The following STXBP4 variants were observed in gnomAD, a reference collection of about 807,000 sequenced individuals.
STXBP4 encodes syntaxin-binding protein 4.
STXBP4 carries 55 observed loss-of-function variants against 76.1 expected under a neutral mutation model. The ratio of observed to expected loss-of-function variants is 0.72; its 90% CI spans 0.58 to 0.91. The LOEUF (loss-of-function observed/expected upper bound fraction) is 0.91. STXBP4 is among the 40% of genes least tolerant of loss of function. The probability of loss-of-function intolerance (pLI) is 0.00; values close to 1 mark genes in which losing one functional copy is unlikely to be tolerated. For synonymous variants in STXBP4, 201 were observed against 220.2 expected (o/e 0.91, Z 0.77); for missense variants, 618 against 636.9 (o/e 0.97, Z 0.32).
chr17:54,998,690 T>C (rs565159040), intron 4 of STXBP4, among the ~76,000 whole-genome samples: 1 of 152,270 alleles, frequency 6.6e-6, no homozygotes, highest in African/African-American at 2.4e-5. Flanking sequence ...AGGATCAATA[T>C]AATTAAAATC....
rs1206724927 is a variant in STXBP4 at position 55,162,394 on chromosome 17, A to C, written c.*2483A>C. ...TTGGATTTTAGGGTTAGAAAATCTG[A>C]ATGTTCTTATGTCCTTCCGTCTCAC... On this transcript the variant is annotated 3_prime_UTR_variant, in exon 18 of 18. Transcript: ENST00000376352. The C allele has an allele frequency of 2.6e-5, 4 of 152,178 alleles. No homozygotes were observed. The allele number at this position is 152,178 out of a possible 1,614,324, so 9.4% of individuals were successfully genotyped here.
the STXBP4 span, among the ~76,000 whole-genome samples, chr17:55,212,926 G>A: frequency 1.3e-5 from 2 of 152,068 alleles, no homozygotes; most frequent in East Asian, 1.9e-4. Context: ...ACCAACACAC[G>A]GAGGACACGC....
chr17:55,078,591 G>A (rs575530085), intron 14 of STXBP4, 95 bp from the exon 15 acceptor site: 25 of 770,006 alleles, frequency 3.2e-5, no homozygotes, highest in Middle Eastern at 3.8e-4. Context: ...AGTTTAATCC[G>A]TGGACAGAGG....
chr17:55,042,339 A>G (rs1448865487), intron 10 of STXBP4, among the ~76,000 whole-genome samples: 1 of 152,168 alleles, frequency 6.6e-6, no homozygotes, highest in East Asian at 1.9e-4. Context: ...GGTGATTGAT[A>G]TTGAATATAT....
At chr17:55,072,755 T>A (rs573131938) in intron 12 of STXBP4, 145 bp from the exon 13 acceptor site, 1 of 565,354 alleles carries the variant, frequency 1.8e-6, no homozygotes, top group Admixed American at 4.0e-5. Context: ...ATAACATAAC[T>A]ATTAATTTTC....
At chr17:54,978,126 A>G (rs954748949) in intron 1 of STXBP4, among the ~76,000 whole-genome samples, 2 of 152,216 alleles carry the variant, frequency 1.3e-5, no homozygotes, top group East Asian at 3.8e-4. Flanking sequence ...CGTTCCCTCA[A>G]AAAACATTGG....
chr17:55,185,251 C>CTTCTTCTTCTTCTTCTTCTTCTT, the STXBP4 span, among the ~76,000 whole-genome samples: 1 of 49,380 alleles, frequency 2.0e-5, no homozygotes, highest in African/African-American at 7.9e-5. Flanking sequence ...TTCTTCTTCT[C>CTTCTTCTTCTTCTTCTTCTTCTT]CTTCTCCTTC....
chr17:55,115,774 A>C (rs572549107), intron 16 of STXBP4, among the ~76,000 whole-genome samples: 1 of 151,884 alleles, frequency 6.6e-6, no homozygotes, highest in Non-Finnish European at 1.5e-5. Context: ...AGGCAAATGC[A>C]AAGGAATGCA....
chr17:55,182,387 C>T, the STXBP4 span, among the ~76,000 whole-genome samples: 2,107 of 152,092 alleles, frequency 0.014, 43 homozygotes, highest in African/African-American at 0.048. Flanking sequence ...TGGAAGAAAA[C>T]ATCCAGAATT....
intron 17 of STXBP4, among the ~76,000 whole-genome samples, chr17:55,144,311 T>A (rs2080127457): frequency 6.6e-6 from 1 of 152,088 alleles, no homozygotes; most frequent in Non-Finnish European, 1.5e-5. Context: ...ATAAGTTAGT[T>A]TTTTTTTGTT....
At chr17:55,119,634 T>A (rs1475514635) in intron 16 of STXBP4, among the ~76,000 whole-genome samples, 1 of 152,006 alleles carries the variant, frequency 6.6e-6, no homozygotes, top group African/African-American at 2.4e-5. Context: ...GGAAAATGAA[T>A]ATATATTTAT....
rs2080327300 is a variant in STXBP4 at position 55,160,483 on chromosome 17, C to A, written c.*572C>A. The A allele has an allele frequency of 6.6e-6, 1 of 152,608 alleles. No individual in the cohort carries two copies. The highest frequency in any genetic ancestry group is 2.4e-5 in the African/African-American group (1 of 41,434). 9.5% of individuals were successfully genotyped at this position (152,608 alleles called of 1,614,324 possible). A position where few individuals can be genotyped will look rare whatever the true frequency, so the allele number is the denominator to read the frequency against. On this transcript the variant is annotated 3_prime_UTR_variant, in exon 18 of 18. Transcript: ENST00000376352. ...ACCCCATTGTCTTTAAACCATACAA[C>A]ATGCCCGTGAAGCTGATCTGGTGGG...
intron 7 of STXBP4, among the ~76,000 whole-genome samples, chr17:55,003,196 A>G (rs1351343394): frequency 1.3e-5 from 2 of 152,238 alleles, no homozygotes; most frequent in Admixed American, 1.3e-4. Context: ...GCTAGATGTC[A>G]GATGATTCTA....
rs1491051951 is a variant in STXBP4 at position 55,168,266 on chromosome 17, ACG to A, written c.*8356_*8357del. The A allele has an allele frequency of 3.4e-5, 5 of 148,884 alleles. No homozygotes were observed. Among genetic ancestry groups the A allele is most frequent in the Non-Finnish European group, 7.5e-5 (5 of 66,756 alleles). The allele number at this position is 148,884 out of a possible 1,614,324, so 9.2% of individuals were successfully genotyped here. A position where few individuals can be genotyped will look rare whatever the true frequency, so the allele number is the denominator to read the frequency against. ...ACACACCACACACACACACACACAC[ACG>A]TATTGGAGGAATAAGAAATATTTAA... On this transcript the variant is annotated 3_prime_UTR_variant, in exon 18 of 18. Coordinates refer to ENST00000376352, the MANE Select transcript of STXBP4 (RefSeq NM_178509.6).
chr17:55,097,642 A>G (rs546697828), intron 16 of STXBP4, among the ~76,000 whole-genome samples: 20 of 151,226 alleles, frequency 1.3e-4, no homozygotes, highest in East Asian at 7.9e-4. Context: ...CAGCCTGGGC[A>G]ACAGAGCAAG....
rs2078503594 is a variant in STXBP4, at chr17:55,031,192, C to A, written c.691C>A (p.Pro231Thr). ...EMALNYLGIQ[P>T]TKEQHQALRQ... ...GGCTCTAAATTATCTTGGTATTCAG[C>A]CCACAAAGGAACAACACCAAGCCCT... The change falls in exon 9 of 18, where the codon CCC (proline) becomes ACC (threonine). Residue 231 changes from proline (P) to threonine (T), a missense_variant. Coordinates refer to ENST00000376352, the MANE Select transcript of STXBP4 (RefSeq NM_178509.6). The A allele has an allele frequency of 3.7e-6, 6 of 1,612,916 alleles. No homozygotes were observed. The African/African-American group carries it at 4.0e-5, about 11-fold the overall frequency.
chr17:55,079,041 T>C (rs1165900076), intron 15 of STXBP4, among the ~76,000 whole-genome samples: 1 of 152,206 alleles, frequency 6.6e-6, no homozygotes, highest in Admixed American at 6.5e-5. Context: ...TCTGTAATTG[T>C]CTTGCGTATG....
At chr17:55,028,111 T>C (rs954990299) in intron 8 of STXBP4, among the ~76,000 whole-genome samples, 2 of 152,138 alleles carry the variant, frequency 1.3e-5, no homozygotes, top group East Asian at 1.9e-4. Flanking sequence ...ATAGTAGATA[T>C]CTATTACTTT....
intron 8 of STXBP4, 93 bp downstream of exon 8, chr17:55,007,690 A>C (rs1490466303): frequency 1.2e-6 from 1 of 862,316 alleles, no homozygotes; most frequent in Non-Finnish European, 1.8e-6. Flanking sequence ...TGGAGTCATT[A>C]GTTTCTTGAA....
Sources: allele counts gnomAD v4.1 joint callset (sites outside exome capture counted in the v4.1 genomes callset), GRCh38; gene constraint gnomAD v4.1.1; transcripts MANE v1.5; gene names NCBI Gene and HGNC (gene_info 2026-07-23, HGNC 2026-07-21).